Variants in ANKS1A observed in about 807,000 individuals in gnomAD.
The protein encoded by ANKS1A is ankyrin repeat and sterile alpha motif domain containing 1A.
ANKS1A carries 55 observed loss-of-function variants against 120.3 expected under a neutral mutation model. The ratio of observed to expected loss-of-function variants is 0.46; its 90% CI spans 0.37 to 0.57. The LOEUF (loss-of-function observed/expected upper bound fraction) is 0.57. Ranked by LOEUF, ANKS1A falls within the 20% of genes least tolerant of loss-of-function variation. The pLI is 0.00. For synonymous variants in ANKS1A, 590 were observed against 604.7 expected, an observed-to-expected ratio of 0.98 and a Z score of 0.36; for missense variants, 1,123 against 1,480.3, an observed-to-expected ratio of 0.76 and a Z score of 3.96.
At chr6:34,932,312 A>G (rs942569230) in intron 1 of ANKS1A, among the ~76,000 whole-genome samples, 1 of 152,120 alleles carries the variant, frequency 6.6e-6, no homozygotes, top group South Asian at 2.1e-4. Context: ...CAGCCTGCCG[A>G]GTAACTCGGA....
intron 11 of ANKS1A, among the ~76,000 whole-genome samples, chr6:35,028,593 G>A (rs574056379): frequency 4.0e-4 from 61 of 152,226 alleles, no homozygotes; most frequent in Admixed American, 1.7e-3. Flanking sequence ...CTTCTCCCTG[G>A]TGTTTTGAAT....
intron 11 of ANKS1A, chr6:35,023,588 T>C: frequency 2.1e-6 from 1 of 477,062 alleles, no homozygotes; most frequent in Admixed American, 2.3e-5. Flanking sequence ...GGAGTGCAGC[T>C]GAAACTGTAA....
chr6:34,932,566 G>A (rs1769040190), intron 1 of ANKS1A, among the ~76,000 whole-genome samples: 1 of 151,594 alleles, frequency 6.6e-6, no homozygotes, highest in Admixed American at 6.6e-5. Context: ...TGTATTTTTA[G>A]CAGAGATGAG....
intron 10 of ANKS1A, among the ~76,000 whole-genome samples, chr6:35,015,322 C>A (rs929483284): frequency 5.9e-5 from 9 of 152,150 alleles, no homozygotes; most frequent in Non-Finnish European, 1.0e-4. Flanking sequence ...CATGGCAAAA[C>A]CCCGTCTCTA....
At chr6:35,097,641 A>G in the ANKS1A span, among the ~76,000 whole-genome samples, 84 of 143,498 alleles carry the variant, frequency 5.9e-4, no homozygotes, top group African/African-American at 1.9e-3. Flanking sequence ...CCAAAAGAAA[A>G]AAAAAAAAAA....
intron 1 of ANKS1A, among the ~76,000 whole-genome samples, chr6:34,899,271 T>G (rs1767235840): frequency 3.3e-5 from 5 of 152,206 alleles, no homozygotes; most frequent in Admixed American, 3.3e-4. Flanking sequence ...TTACTGGTTC[T>G]TTTTCATAGA....
Position 35,060,484 on chromosome 6 carries a change from C to G in ANKS1A, c.2184+231C>G, listed in dbSNP as rs1321316141. Among the ~76,000 whole-genome samples the G allele has an allele frequency of 6.6e-6, 1 of 152,210 alleles. No individual in the cohort carries two copies. Among genetic ancestry groups the G allele is most frequent in the Non-Finnish European group, 1.5e-5 (1 of 68,038 alleles). ...ACGGCTCCAGAGGGAGCTCTCTTTG[C>G]AGATCTGCTTCCCAAGAAGGAGGGT... On this transcript the variant is annotated intron_variant, in intron 13 of 23. Coordinates refer to ENST00000360359, the MANE Select transcript of ANKS1A (RefSeq NM_015245.3). The surrounding 1 kb of genome is among the most constrained non-coding windows in gnomAD (Gnocchi z 4.5).
rs535453585 is a variant in ANKS1A, at chr6:34,990,568, T to G, written c.1302+1252T>G. On this transcript the variant is annotated intron_variant, in intron 9 of 23. Coordinates refer to ENST00000360359, the MANE Select transcript of ANKS1A (RefSeq NM_015245.3). ...TTGGGGCTGGTTCTCTGTAAATGCCTTCTGCCCCTCTTTAACAAGCACTTG... is the reference window on the plus strand; with the variant it reads ...TTGGGGCTGGTTCTCTGTAAATGCCGTCTGCCCCTCTTTAACAAGCACTTG... Among the ~76,000 whole-genome samples, 5 of 151,914 alleles carry G rather than the reference T, an allele frequency of 3.3e-5. No homozygotes were observed. The South Asian group carries it at 8.3e-4, about 25-fold the overall frequency.
intron 13 of ANKS1A, among the ~76,000 whole-genome samples, chr6:35,066,281 C>T (rs1235892043): frequency 6.6e-6 from 1 of 152,158 alleles, no homozygotes; most frequent in Non-Finnish European, 1.5e-5. Context: ...TCTCTGCAGG[C>T]TGCAGAGGTT....
chr6:34,912,010 C>T (rs909454677), intron 1 of ANKS1A, among the ~76,000 whole-genome samples: 9 of 152,106 alleles, frequency 5.9e-5, no homozygotes, highest in Admixed American at 5.2e-4. Flanking sequence ...AGTTCTTGTT[C>T]ATCCAGGGAT....
At chr6:35,009,979 A>G (rs922857255) in intron 10 of ANKS1A, 1 of 261,502 alleles carries the variant, frequency 3.8e-6, no homozygotes, top group Non-Finnish European at 7.5e-6. Context: ...TCCAAAACAG[A>G]ACTTAGCCTG....
intron 3 of ANKS1A, among the ~76,000 whole-genome samples, chr6:34,980,785 G>A (rs1300297918): frequency 6.6e-6 from 1 of 152,170 alleles, no homozygotes; most frequent in Non-Finnish European, 1.5e-5. Context: ...AGCATAATTG[G>A]AATGACTAAC....
intron 10 of ANKS1A, among the ~76,000 whole-genome samples, chr6:34,997,913 A>G (rs1772942349): frequency 6.6e-6 from 1 of 152,226 alleles, no homozygotes; most frequent in African/African-American, 2.4e-5. Context: ...TGGTCCTCCT[A>G]TGCTTTGGTT....
chr6:35,097,712 A>C, the ANKS1A span, among the ~76,000 whole-genome samples: 4 of 152,020 alleles, frequency 2.6e-5, no homozygotes, highest in African/African-American at 4.8e-5. Flanking sequence ...TTGATTATTC[A>C]AGTAAACCAG....
chr6:34,992,933 A>G (rs902518792), intron 9 of ANKS1A, among the ~76,000 whole-genome samples: 2 of 152,218 alleles, frequency 1.3e-5, no homozygotes, highest in African/African-American at 2.4e-5. Flanking sequence ...CAAAAACCCG[A>G]TGAACCACAA....
chr6:34,970,412 T>C (rs1017521688), intron 3 of ANKS1A, among the ~76,000 whole-genome samples: 20 of 152,348 alleles, frequency 1.3e-4, no homozygotes, highest in Admixed American at 3.9e-4. Context: ...ATTTGACTCA[T>C]GCATATTTGG....
chr6:35,070,894 G>A (rs1010077392), intron 13 of ANKS1A: 6 of 640,574 alleles, frequency 9.4e-6, no homozygotes, highest in East Asian at 4.0e-5. Context: ...AGGACTCTTC[G>A]ATGACATCCT....
intron 1 of ANKS1A, among the ~76,000 whole-genome samples, chr6:34,902,344 G>C (rs1767394548): frequency 6.6e-6 from 1 of 151,954 alleles, no homozygotes; most frequent in Admixed American, 6.6e-5. Context: ...CACCTGCCGG[G>C]TTCAAACAAT....
chr6:34,954,358 C>CGT (rs147784927), intron 1 of ANKS1A, among the ~76,000 whole-genome samples: 9 of 151,820 alleles, frequency 5.9e-5, no homozygotes, highest in African/African-American at 9.7e-5. Flanking sequence ...TTTGTGCGTG[C>CGT]GTGTGTGTGT....
Sources: allele counts gnomAD v4.1 joint callset (sites outside exome capture counted in the v4.1 genomes callset), GRCh38; gene constraint gnomAD v4.1.1; non-coding constraint Gnocchi (gnomAD v3.1); transcripts MANE v1.5; gene names NCBI Gene and HGNC (gene_info 2026-07-23, HGNC 2026-07-21).